CCBE1: variants seen among roughly 807,000 people sequenced by gnomAD.
CCBE1 encodes collagen and calcium-binding EGF domain-containing protein 1.
A neutral mutation model predicts 50.0 loss-of-function variants in CCBE1; 37 were observed. The ratio of observed to expected loss-of-function variants is 0.74; its 90% confidence interval spans 0.57 to 0.97. The LOEUF (loss-of-function observed/expected upper bound fraction) is 0.97. Ranked by LOEUF, CCBE1 falls within the 50% of genes least tolerant of loss-of-function variation. CCBE1 has a pLI of 0.00. For synonymous variants in CCBE1, 234 were observed against 203.7 expected (o/e 1.15, Z -1.27); for missense variants, 538 against 523.8 (o/e 1.03, Z -0.26).
At chr18:59,601,179 A>C (rs1349707067) in intron 2 of CCBE1, among the ~76,000 whole-genome samples, 1 of 151,602 alleles carries the variant, frequency 6.6e-6, no homozygotes, top group Non-Finnish European at 1.5e-5. Context: ...CTAGAGGCGC[A>C]CAACACCATG....
At chr18:59,540,312 T>C (rs78360359) in intron 2 of CCBE1, among the ~76,000 whole-genome samples, 12,847 of 152,230 alleles carry the variant, frequency 0.084, 1,109 homozygotes, top group East Asian at 0.43. Context: ...TCATCCATTA[T>C]CTGAGAAAAT....
intron 2 of CCBE1, among the ~76,000 whole-genome samples, chr18:59,581,276 A>C (rs558279849): frequency 6.6e-6 from 1 of 152,146 alleles, no homozygotes; most frequent in African/African-American, 2.4e-5. Context: ...CCCCATCTCT[A>C]CTAAAAATAC....
intron 2 of CCBE1, among the ~76,000 whole-genome samples, chr18:59,602,373 T>G (rs1471166129): frequency 6.6e-6 from 1 of 152,160 alleles, no homozygotes; most frequent in Admixed American, 6.5e-5. Context: ...CCTTATGTGG[T>G]TCTCTGTTTT....
At chr18:59,487,782 T>C (rs1184886660) in intron 2 of CCBE1, among the ~76,000 whole-genome samples, 2 of 152,180 alleles carry the variant, frequency 1.3e-5, no homozygotes, top group Admixed American at 1.3e-4. Flanking sequence ...AAAAACAATA[T>C]AGTGACACCT....
chr18:59,543,618 G>A (rs1915555543), intron 2 of CCBE1, among the ~76,000 whole-genome samples: 1 of 152,132 alleles, frequency 6.6e-6, no homozygotes, highest in South Asian at 2.1e-4. Context: ...GGCAGATCAC[G>A]AGGTCAGGAG....
At chr18:59,465,989 T>G (rs1335778107) in intron 5 of CCBE1, among the ~76,000 whole-genome samples, 1 of 152,130 alleles carries the variant, frequency 6.6e-6, no homozygotes, top group East Asian at 1.9e-4. Context: ...TAGAAGGAGT[T>G]TGAACTTATA....
chr18:59,464,509 C>T (rs950448992), intron 5 of CCBE1, among the ~76,000 whole-genome samples: 7 of 152,210 alleles, frequency 4.6e-5, no homozygotes, highest in African/African-American at 7.2e-5. Context: ...TCGACAAGCC[C>T]GTTTCCTCTG....
At chr18:59,549,210 C>A (rs892409059) in intron 2 of CCBE1, among the ~76,000 whole-genome samples, 2 of 151,980 alleles carry the variant, frequency 1.3e-5, no homozygotes, top group East Asian at 1.9e-4. Context: ...ATATTCCACA[C>A]TGCAAAATAG....
At chr18:59,668,153 C>T (rs897300075) in intron 2 of CCBE1, among the ~76,000 whole-genome samples, 1 of 152,090 alleles carries the variant, frequency 6.6e-6, no homozygotes, top group African/African-American at 2.4e-5. Flanking sequence ...GACATGGTGG[C>T]TCATGTCTGT....
chr18:59,536,444 G>A (rs1438552017), intron 2 of CCBE1, among the ~76,000 whole-genome samples: 3 of 152,112 alleles, frequency 2.0e-5, no homozygotes, highest in East Asian at 1.9e-4. Context: ...TGCATGAGAC[G>A]GGCTTGTATT....
chr18:59,439,600 T>C (rs1309068916), intron 8 of CCBE1, 22 bp from the exon 9 acceptor site: 7 of 1,614,134 alleles, frequency 4.3e-6, no homozygotes, highest in African/African-American at 1.3e-5. Flanking sequence ...AAGGATCTGG[T>C]TTAACCACAG....
chr18:59,668,845 T>G (rs2054393557), intron 2 of CCBE1, among the ~76,000 whole-genome samples: 1 of 128,862 alleles, frequency 7.8e-6, no homozygotes, highest in Non-Finnish European at 1.7e-5. Context: ...TTTTTTGTGA[T>G]ATGGAGTCTT....
intron 3 of CCBE1, among the ~76,000 whole-genome samples, chr18:59,473,691 C>A (rs1912149594): frequency 1.3e-5 from 2 of 151,106 alleles, no homozygotes; most frequent in South Asian, 4.2e-4. Context: ...ACCATCCAAC[C>A]CTCCCACTAC....
chr18:59,601,019 T>TTG (rs2053422408), intron 2 of CCBE1, among the ~76,000 whole-genome samples: 1 of 50,688 alleles, frequency 2.0e-5, no homozygotes, highest in Non-Finnish European at 3.7e-5. Flanking sequence ...AGTTTTTTTT[T>TTG]TTTTTTTTTT....
chr18:59,658,166 C>G (rs2054216400), intron 2 of CCBE1, among the ~76,000 whole-genome samples: 1 of 148,628 alleles, frequency 6.7e-6, no homozygotes, highest in African/African-American at 2.5e-5. Flanking sequence ...ATGAAATGAA[C>G]AAATACATGT....
chr18:59,697,361 CT>C lies in CCBE1; in HGVS notation c.-20del. 6.5e-7 allele frequency: 1 copy of C among 1,543,650 alleles called. No individual in the cohort carries two copies. The highest frequency in any genetic ancestry group is 8.7e-7 in the Non-Finnish European group (1 of 1,146,164). ...GCACCATCAGGGAAGCTCCCGGCTT[CT>C]TCCCAGCGCCGAGCTCCGTCCGGAC... On this transcript the variant is annotated 5_prime_UTR_variant, in exon 1 of 11. Transcript: ENST00000439986.
chr18:59,666,095 G>A (rs1299263943), intron 2 of CCBE1: 2 of 152,288 alleles, frequency 1.3e-5, no homozygotes, highest in Admixed American at 6.5e-5. Flanking sequence ...TGGCTGGGGA[G>A]GCTTCATAAT....
At chr18:59,581,339 G>A (rs1599032447) in intron 2 of CCBE1, among the ~76,000 whole-genome samples, 3 of 151,842 alleles carry the variant, frequency 2.0e-5, no homozygotes, top group African/African-American at 7.3e-5. Flanking sequence ...TACTCAGGAG[G>A]CTGAGGCAGG....
intron 2 of CCBE1, among the ~76,000 whole-genome samples, chr18:59,517,344 T>C (rs993987103): frequency 3.3e-5 from 5 of 152,230 alleles, no homozygotes; most frequent in Admixed American, 3.3e-4. Flanking sequence ...ATATTCTATT[T>C]AGCTACCTTG....
Sources: allele counts gnomAD v4.1 joint callset (sites outside exome capture counted in the v4.1 genomes callset), GRCh38; gene constraint gnomAD v4.1.1; transcripts MANE v1.5; gene names NCBI Gene and HGNC (gene_info 2026-07-23, HGNC 2026-07-21).